Variants in MYO3B observed in about 807,000 individuals in gnomAD.
MYO3B encodes the protein myosin IIIB.
MYO3B carries 156 observed loss-of-function variants against 174.6 expected under a neutral mutation model. The observed-to-expected ratio is 0.89, with a 90% CI of 0.78 to 1.02. The LOEUF is 1.02. MYO3B is among the 50% of genes least tolerant of loss of function. MYO3B has a pLI of 0.00. For synonymous variants in MYO3B, 563 were observed against 569.1 expected, an observed-to-expected ratio of 0.99 and a Z score of 0.15; for missense variants, 1,632 against 1,639.4, an observed-to-expected ratio of 1.00 and a Z score of 0.08.
At position 170,653,805 on chromosome 2, in the gene MYO3B, C is replaced by T. The variant is rs1186818909; in HGVS notation, c.*684C>T. On this transcript the variant is annotated 3_prime_UTR_variant, in exon 35 of 35. Coordinates refer to ENST00000408978, the MANE Select transcript of MYO3B (RefSeq NM_138995.5). The stretch of plus-strand genomic sequence containing the variant: ...ATTTCACCTTGCCAAGACACCCACA[C>T]TACTTTGGTGATGAAAAGAAAGGAA... 1.3e-5 allele frequency: 2 copies of T among 152,212 alleles called. No individual in the cohort carries two copies. The highest frequency in any genetic ancestry group is 1.5e-5 in the Non-Finnish European group (1 of 68,030). 9.4% of individuals were successfully genotyped at this position (152,212 alleles called of 1,614,324 possible).
chr2:170,651,517 C>T, intron 32 of MYO3B, 111 bp from the exon 33 acceptor site: 3 of 781,114 alleles, frequency 3.8e-6, no homozygotes, highest in Non-Finnish European at 6.6e-6. Flanking sequence ...TTAATATGCC[C>T]ATTAAAATAG....
intron 28 of MYO3B, among the ~76,000 whole-genome samples, chr2:170,505,446 T>C (rs746719750): frequency 6.6e-6 from 1 of 152,188 alleles, no homozygotes; most frequent in Non-Finnish European, 1.5e-5. Flanking sequence ...CATATTAGTG[T>C]TCAAATAGAT....
chr2:170,304,985 A>G (rs2093691441), intron 7 of MYO3B, among the ~76,000 whole-genome samples: 2 of 150,856 alleles, frequency 1.3e-5, no homozygotes, highest in Admixed American at 1.3e-4. Context: ...ATTCTATTTC[A>G]TGCTTATGAA....
chr2:170,615,879 G>A (rs1160384226), intron 32 of MYO3B, among the ~76,000 whole-genome samples: 1 of 152,076 alleles, frequency 6.6e-6, no homozygotes, highest in Non-Finnish European at 1.5e-5. Flanking sequence ...AGGGATTTAG[G>A]GTCATTTGAT....
chr2:170,320,687 A>G (rs2093819546), intron 7 of MYO3B, among the ~76,000 whole-genome samples: 1 of 152,118 alleles, frequency 6.6e-6, no homozygotes, highest in South Asian at 2.1e-4. Context: ...TTATTTACAT[A>G]TATATATGTG....
In MYO3B at chr2:170,327,860, CAT is replaced by C. The variant is rs201033292; in HGVS notation, c.750-7511_750-7510del. On this transcript the variant is annotated intron_variant, in intron 7 of 34. Coordinates refer to ENST00000408978, the MANE Select transcript of MYO3B (RefSeq NM_138995.5). ...ATGTTTTCTCTAGTGGAATTATTAG[CAT>C]ATATATATATATACACTATATATAG... 5.4e-4 allele frequency among the ~76,000 whole-genome samples: 55 copies of C among 102,496 alleles called. No homozygotes were observed. The South Asian group carries it at 0.011, about 20-fold the overall frequency. 67.2% of individuals were successfully genotyped at this position (102,496 alleles called of 152,430 possible).
At chr2:170,401,816 T>TTTTTTTG in intron 18 of MYO3B, 125 bp downstream of exon 18, 1 of 943,504 alleles carries the variant, frequency 1.1e-6, no homozygotes, top group Non-Finnish European at 1.5e-6. Context: ...TTTTTTTTTT[T>TTTTTTTG]TGTGGAGTCA....
chr2:170,499,234 GA>G (rs1687068797), intron 26 of MYO3B, among the ~76,000 whole-genome samples: 1 of 152,196 alleles, frequency 6.6e-6, no homozygotes, highest in Admixed American at 6.5e-5. Context: ...CTCCTCAGCA[GA>G]AATTAGATCA....
chr2:170,521,033 G>A (rs1688640872), intron 30 of MYO3B, among the ~76,000 whole-genome samples: 1 of 152,234 alleles, frequency 6.6e-6, no homozygotes, highest in South Asian at 2.1e-4. Context: ...AAAGAAGCAG[G>A]TCATTAGAGA....
chr2:170,315,421 T>C (rs2093768627), intron 7 of MYO3B, among the ~76,000 whole-genome samples: 1 of 151,980 alleles, frequency 6.6e-6, no homozygotes, highest in African/African-American at 2.4e-5. Flanking sequence ...TTCTCCTGCC[T>C]CAGCCTCCTG....
rs761753906 is a variant in MYO3B, at chr2:170,651,753, T to A, written c.3840+19T>A. The A allele has an allele frequency of 2.5e-6, 4 of 1,594,858 alleles. No individual in the cohort carries two copies. In the South Asian group the frequency reaches 4.4e-5, roughly 18 times the overall value. ...GTTAAATGTGAGTTCAAAGTGGCCGTAAAGCTGTTTCACTGGCTTTGTTTC... is the reference window on the plus strand; with the variant it reads ...GTTAAATGTGAGTTCAAAGTGGCCGAAAAGCTGTTTCACTGGCTTTGTTTC... On this transcript the variant is annotated intron_variant, in intron 33 of 34. Coordinates refer to ENST00000408978, the MANE Select transcript of MYO3B (RefSeq NM_138995.5).
chr2:170,308,330 A>G (rs924683753), intron 7 of MYO3B, among the ~76,000 whole-genome samples: 1 of 152,222 alleles, frequency 6.6e-6, no homozygotes, highest in African/African-American at 2.4e-5. Flanking sequence ...AATCAAAGAA[A>G]TGATTGCTTC....
chr2:170,632,904 G>A lies in MYO3B; in HGVS notation c.3734-18724G>A, dbSNP rs188605895. The stretch of plus-strand genomic sequence containing the variant: ...TCTAGAAGAAATGGATAAATTCCTC[G>A]ACACTTATACCCTCCAAAGACAGCT... On this transcript the variant is annotated intron_variant, in intron 32 of 34. Transcript: ENST00000408978. 4.7e-3 allele frequency among the ~76,000 whole-genome samples: 626 copies of A among 132,624 alleles called. 3 individuals carry two copies. Among genetic ancestry groups the A allele is most frequent in the Non-Finnish European group, 8.0e-3 (478 of 60,114 alleles). The allele number at this position is 132,624 out of a possible 152,430, so 87.0% of individuals were successfully genotyped here. A position where few individuals can be genotyped will look rare whatever the true frequency, so the allele number is the denominator to read the frequency against.
chr2:170,560,451 C>T (rs1294993267), intron 32 of MYO3B, among the ~76,000 whole-genome samples: 1 of 152,204 alleles, frequency 6.6e-6, no homozygotes, highest in Non-Finnish European at 1.5e-5. Flanking sequence ...AGCCAGTCTA[C>T]CCAGACACCA....
intron 28 of MYO3B, among the ~76,000 whole-genome samples, chr2:170,506,088 C>T (rs1361193539): frequency 1.3e-5 from 2 of 152,202 alleles, no homozygotes; most frequent in African/African-American, 4.8e-5. Flanking sequence ...TCAGCAGAGA[C>T]TCTGACGAGG....
intron 12 of MYO3B, chr2:170,384,060 A>C: frequency 4.9e-6 from 2 of 408,024 alleles, no homozygotes; most frequent in South Asian, 8.9e-5. Flanking sequence ...TTCTCTGATA[A>C]GATATAATAA....
intron 19 of MYO3B, among the ~76,000 whole-genome samples, 162 bp from the exon 20 acceptor site, chr2:170,404,085 A>G (rs549444356): frequency 1.8e-4 from 27 of 152,232 alleles, no homozygotes; most frequent in Non-Finnish European, 2.6e-4. Flanking sequence ...GCACAGCTTT[A>G]ATGGTGTTAT....
intron 25 of MYO3B, among the ~76,000 whole-genome samples, chr2:170,475,597 C>T (rs1685264469): frequency 6.6e-6 from 1 of 152,172 alleles, no homozygotes; most frequent in African/African-American, 2.4e-5. Context: ...TTTCAGAATA[C>T]TAATCAATCT....
At position 170,276,265 on chromosome 2, in the gene MYO3B, T is replaced by C. The variant is rs139444195; in HGVS notation, c.749+40129T>C. ...ATAGCCCGTTGAAATGGCAAATAAA[T>C]GGCCACTTAGAGAATGTTTGAGTGA... On this transcript the variant is annotated intron_variant, in intron 7 of 34. Coordinates refer to ENST00000408978, the MANE Select transcript of MYO3B (RefSeq NM_138995.5). Among the ~76,000 whole-genome samples the C allele has an allele frequency of 1.7e-3, 261 of 152,306 alleles. 1 individual carries two copies. Among genetic ancestry groups the C allele is most frequent in the African/African-American group, 5.8e-3 (242 of 41,578 alleles).
Sources: allele counts gnomAD v4.1 joint callset (sites outside exome capture counted in the v4.1 genomes callset), GRCh38; gene constraint gnomAD v4.1.1; transcripts MANE v1.5; gene names NCBI Gene and HGNC (gene_info 2026-07-23, HGNC 2026-07-21).